Variants in LRRC53 observed in about 807,000 individuals in gnomAD.
The protein encoded by LRRC53 is leucine-rich repeat-containing protein 53.
Under a neutral mutation model 13.6 loss-of-function variants are expected in LRRC53, and 25 were observed. The observed-to-expected ratio is 1.83, with a 90% CI of 1.34 to 2.56. The LOEUF (loss-of-function observed/expected upper bound fraction) is 2.56. LRRC53 is among the 30% of genes most tolerant of loss of function. The probability of loss-of-function intolerance (pLI) is 0.00; values close to 1 mark genes in which losing one functional copy is unlikely to be tolerated. For synonymous variants in LRRC53, 204 were observed against 109.8 expected (o/e 1.86, Z -5.37); for missense variants, 527 against 275.8 (o/e 1.91, Z -6.45).
chr1:74,524,329 C>T, the LRRC53 span, among the ~76,000 whole-genome samples: 1 of 152,200 alleles, frequency 6.6e-6, no homozygotes. Flanking sequence ...CTGCCAGAAA[C>T]AGAGGGGGCT....
In LRRC53 at chr1:74,470,220, C is replaced by A. The variant is rs1165637606; in HGVS notation, c.3402G>T (p.Glu1134Asp). The A allele has an allele frequency of 2.5e-6, 1 of 400,496 alleles. No individual in the cohort carries two copies. The allele number at this position is 400,496 out of a possible 1,614,324, so 24.8% of individuals were successfully genotyped here. Residue 1134 changes from glutamate (E) to aspartate (D), a missense_variant, in exon 5 of 5, where the codon GAG (glutamate) becomes GAT (aspartate). Coordinates refer to ENST00000294635, the MANE Select transcript of LRRC53 (RefSeq NM_001382280.1). ...TACTTAAATCTTTAGCTGTAATGGT[C>A]TCCTCGGCAGAGCTTGCATCATGTA... ...YILHDASSAE[E>D]TITAKDLSIT...
Position 74,480,913 on chromosome 1 carries a change from A to G in LRRC53, c.144T>C (p.Ile48=). Residue 48 remains isoleucine (I), a synonymous_variant, in exon 3 of 5, where the codon ATT becomes ATC. Coordinates refer to ENST00000294635, the MANE Select transcript of LRRC53 (RefSeq NM_001382280.1). The part of the protein sequence containing the change: ...LIITDGYLSS[I]ESTNLSLLFN... ...ACAAGAGAGACAGGTTTGTGCTCTCAATAGAGGAGAGATATCCATCGGTGA... is the reference window on the plus strand; with the variant it reads ...ACAAGAGAGACAGGTTTGTGCTCTCGATAGAGGAGAGATATCCATCGGTGA... 1 of 717,418 alleles carries G rather than the reference A, an allele frequency of 1.4e-6. No homozygotes were observed. 44.4% of individuals were successfully genotyped at this position (717,418 alleles called of 1,614,324 possible).
chr1:74,491,302 C>A (rs887737472), intron 1 of LRRC53, among the ~76,000 whole-genome samples: 2 of 152,198 alleles, frequency 1.3e-5, no homozygotes, highest in Admixed American at 6.5e-5. Context: ...TCACTGCAAC[C>A]TCTGCCTCCC....
chr1:74,479,451 G>C (rs972307108), intron 3 of LRRC53, among the ~76,000 whole-genome samples: 3 of 152,138 alleles, frequency 2.0e-5, no homozygotes, highest in Non-Finnish European at 4.4e-5. Context: ...CATAGAGTTG[G>C]ACAAACAGAA....
intron 1 of LRRC53, among the ~76,000 whole-genome samples, chr1:74,502,158 GGA>G: frequency 6.6e-6 from 1 of 152,206 alleles, no homozygotes; most frequent in African/African-American, 2.4e-5. Flanking sequence ...ATATTTACTT[GGA>G]GTGATAATCT....
chr1:74,511,195 A>AT (rs113121147), intron 1 of LRRC53, among the ~76,000 whole-genome samples: 79,568 of 144,200 alleles, frequency 0.55, 22,169 homozygotes, highest in Non-Finnish European at 0.64. Flanking sequence ...TGCCCGGCCT[A>AT]TTTTTTTTTT....
chr1:74,471,212 T>C lies in LRRC53; in HGVS notation c.2410A>G (p.Lys804Glu). The change falls in exon 5 of 5, where the codon AAA (lysine) becomes GAA (glutamate). Residue 804 changes from lysine to glutamate, a missense_variant. Transcript: ENST00000294635. ...KQTPYYQRNT[K>E]RAPLLSANNL... ...TTAGCACTGAGCAGGGGGGCACGTTTAGTGTTTCGTTGATAATATGGGGTC... is the reference window on the plus strand; with the variant it reads ...TTAGCACTGAGCAGGGGGGCACGTTCAGTGTTTCGTTGATAATATGGGGTC... 2.5e-6 allele frequency: 1 copy of C among 400,702 alleles called. No homozygotes were observed. The allele number at this position is 400,702 out of a possible 1,614,324, so 24.8% of individuals were successfully genotyped here. A position where few individuals can be genotyped will look rare whatever the true frequency, so the allele number is the denominator to read the frequency against.
chr1:74,509,903 G>A (rs1375951275), intron 1 of LRRC53, among the ~76,000 whole-genome samples: 1 of 151,580 alleles, frequency 6.6e-6, no homozygotes, highest in Non-Finnish European at 1.5e-5. Flanking sequence ...ACAGGCATAC[G>A]CCACTGCACT....
intron 3 of LRRC53, 56 bp downstream of exon 3, chr1:74,480,097 G>T: frequency 1.5e-6 from 1 of 659,210 alleles, no homozygotes; most frequent in Non-Finnish European, 2.8e-6. Context: ...TTAGCATGCT[G>T]CAAAAATATG....
chr1:74,523,744 C>T, the LRRC53 span, among the ~76,000 whole-genome samples: 1 of 152,088 alleles, frequency 6.6e-6, no homozygotes, highest in Non-Finnish European at 1.5e-5. Context: ...TTTCTTTGGT[C>T]TTGGGGAAAC....
rs371779921 is a variant in LRRC53, at chr1:74,511,607, A to G, written c.-27+919T>C. ...GCAGCTCTTATATATTGAATCATGT[A>G]GTAAATATTGGACACCCAATGATGG... On this transcript the variant is annotated intron_variant, in intron 1 of 4. Coordinates refer to ENST00000294635, the MANE Select transcript of LRRC53 (RefSeq NM_001382280.1). Among the ~76,000 whole-genome samples, 3 of 152,268 alleles carry G rather than the reference A, an allele frequency of 2.0e-5. No homozygotes were observed. The East Asian group carries it at 5.8e-4, about 29-fold the overall frequency.
intron 3 of LRRC53, among the ~76,000 whole-genome samples, chr1:74,476,713 T>C (rs1423192919): frequency 6.6e-6 from 1 of 152,176 alleles, no homozygotes; most frequent in African/African-American, 2.4e-5. Context: ...ATCTGTGCCC[T>C]AAACCCACAT....
At chr1:74,485,303 G>A (rs1022217513) in intron 1 of LRRC53, among the ~76,000 whole-genome samples, 4 of 152,216 alleles carry the variant, frequency 2.6e-5, no homozygotes, top group Admixed American at 2.6e-4. Context: ...TGAGAAAACA[G>A]TAAGAACAAT....
the LRRC53 span, among the ~76,000 whole-genome samples, chr1:74,534,480 G>C: frequency 2.0e-5 from 3 of 152,090 alleles, no homozygotes; most frequent in African/African-American, 7.2e-5. Flanking sequence ...CATTTGGCAG[G>C]CTGTAGTTTG....
intron 1 of LRRC53, among the ~76,000 whole-genome samples, chr1:74,487,766 TA>T (rs1225262829): frequency 6.6e-6 from 1 of 152,212 alleles, no homozygotes; most frequent in Non-Finnish European, 1.5e-5. Flanking sequence ...CTGCTCGTAA[TA>T]AAAAGCTCTT....
In LRRC53 at chr1:74,474,956, C is replaced by T. The variant is rs973832924; in HGVS notation, c.1420+339G>A. ...AAGGATGTTGGAATAAAAGCTGATA[C>T]TAGCTATCCCATAGATCTTAACAGC... On this transcript the variant is annotated intron_variant, in intron 4 of 4. Coordinates refer to ENST00000294635, the MANE Select transcript of LRRC53 (RefSeq NM_001382280.1). 6.6e-5 allele frequency among the ~76,000 whole-genome samples: 10 copies of T among 152,142 alleles called. 1 individual carries two copies. In the East Asian group the frequency reaches 1.6e-3, roughly 24 times the overall value.
upstream of LRRC53, among the ~76,000 whole-genome samples, chr1:74,513,590 G>A (rs1014109498): frequency 6.6e-6 from 1 of 152,106 alleles, no homozygotes. Flanking sequence ...TTCATCCAGA[G>A]GCAGCTGGCG....
At chr1:74,533,230 C>A in the LRRC53 span, among the ~76,000 whole-genome samples, 2 of 152,122 alleles carry the variant, frequency 1.3e-5, no homozygotes, top group Non-Finnish European at 2.9e-5. Context: ...AAACAAACAT[C>A]CCCATCAAAA....
At chr1:74,483,879 A>G (rs2100269685) in intron 1 of LRRC53, among the ~76,000 whole-genome samples, 1 of 152,320 alleles carries the variant, frequency 6.6e-6, no homozygotes, top group East Asian at 1.9e-4. Context: ...TACTCCTTAT[A>G]GATTTAAATG....
Sources: gnomAD v4.1 joint callset for allele counts (sites outside exome capture counted in the v4.1 genomes callset) on GRCh38, gnomAD v4.1.1 for gene constraint, MANE v1.5 for transcripts, NCBI Gene and HGNC (gene_info 2026-07-23, HGNC 2026-07-21) for gene names.